Variants in AK7 observed in about 807,000 individuals in gnomAD.
AK7 encodes the protein adenylate kinase 7.
A neutral mutation model predicts 96.6 loss-of-function variants in AK7; 78 were observed. The observed-to-expected ratio is 0.81, with a 90% CI of 0.67 to 0.97. AK7 has a LOEUF of 0.97. Among genes scored for constraint, AK7 ranks in the 50% least tolerant of loss-of-function variants. The pLI, the probability that AK7 is intolerant of heterozygous loss-of-function variation, is 0.00. For missense variants in AK7, 855 were observed against 887.9 expected (o/e 0.96, Z 0.47); for synonymous variants, 302 against 317.2 (o/e 0.95, Z 0.51).
intron 5 of AK7, chr14:96,423,944 T>C: frequency 9.4e-7 from 1 of 1,058,876 alleles, no homozygotes; most frequent in Non-Finnish European, 1.5e-6. Context: ...CTGCCCTTCA[T>C]GTGGACCACC....
At chr14:96,463,043 A>G (rs1034142364) in intron 12 of AK7, among the ~76,000 whole-genome samples, 5 of 152,100 alleles carry the variant, frequency 3.3e-5, no homozygotes, top group African/African-American at 1.2e-4. Flanking sequence ...AGGCTGAGGC[A>G]GGAGAATCGC....
chr14:96,430,966 A>G (rs1052424479), intron 5 of AK7, among the ~76,000 whole-genome samples: 3 of 152,186 alleles, frequency 2.0e-5, no homozygotes, highest in Non-Finnish European at 4.4e-5. Context: ...TTATTGGTCT[A>G]TTCAGGGATT....
intron 5 of AK7, among the ~76,000 whole-genome samples, chr14:96,434,433 T>A (rs570814480): frequency 7.8e-6 from 1 of 128,076 alleles, no homozygotes; most frequent in African/African-American, 4.3e-5. Context: ...TCTCTCTCTC[T>A]CTCTCTCTCT....
At position 96,484,302 on chromosome 14, in the gene AK7, C is replaced by G. The variant is rs146058547; in HGVS notation, c.1974+1083C>G. On this transcript the variant is annotated intron_variant, in intron 16 of 17. Coordinates refer to ENST00000267584, the MANE Select transcript of AK7 (RefSeq NM_152327.5). Reference sequence around the variant, plus strand: ...CAAATCTGTCCCAAGCTCTCTACTTCTGATCAGGGGCAGTGTTTCTCATCC... The same window carrying G: ...CAAATCTGTCCCAAGCTCTCTACTTGTGATCAGGGGCAGTGTTTCTCATCC... 2.8e-3 allele frequency among the ~76,000 whole-genome samples: 428 copies of G among 152,276 alleles called. 1 individual carries two copies. The highest frequency in any genetic ancestry group is 9.7e-3 in the African/African-American group (403 of 41,556).
intron 17 of AK7, 186 bp from the exon 18 acceptor site, chr14:96,488,119 A>T: frequency 2.1e-6 from 1 of 469,648 alleles, no homozygotes; most frequent in Non-Finnish European, 4.0e-6. Context: ...CACCATGTTG[A>T]CCAGGCTGGT....
chr14:96,437,277 G>A (rs1892691830), intron 5 of AK7, among the ~76,000 whole-genome samples: 2 of 152,088 alleles, frequency 1.3e-5, no homozygotes, highest in Non-Finnish European at 1.5e-5. Flanking sequence ...TCCATGTTGT[G>A]CTTATTTCAC....
In AK7 at chr14:96,428,961, A is replaced by T. The variant is rs1362822343; in HGVS notation, c.609+8029A>T. Among the ~76,000 whole-genome samples, 2 of 152,064 alleles carry T rather than the reference A, an allele frequency of 1.3e-5. 1 individual carries two copies. Among genetic ancestry groups the T allele is most frequent in the Non-Finnish European group, 2.9e-5 (2 of 68,014 alleles). ...TTATTTTGCTGTGCAGAAGCTCTTTAGTTTAGTTAGATCCCATTTGTCTAT... is the reference window on the plus strand; with the variant it reads ...TTATTTTGCTGTGCAGAAGCTCTTTTGTTTAGTTAGATCCCATTTGTCTAT... On this transcript the variant is annotated intron_variant, in intron 5 of 17. Transcript: ENST00000267584.
At chr14:96,467,468 TG>T (rs1258791069) in intron 12 of AK7, among the ~76,000 whole-genome samples, 1 of 152,106 alleles carries the variant, frequency 6.6e-6, no homozygotes, top group Non-Finnish European at 1.5e-5. Context: ...CCCGAGTCGC[TG>T]GGACTACAGG....
At chr14:96,482,855 A>G in intron 15 of AK7, 144 bp from the exon 16 acceptor site, 1 of 892,156 alleles carries the variant, frequency 1.1e-6, no homozygotes, top group Non-Finnish European at 1.7e-6. Flanking sequence ...AGAAATTCTG[A>G]ACTATGCTGG....
chr14:96,395,917 T>C (rs1566754002), intron 1 of AK7, among the ~76,000 whole-genome samples: 2 of 147,718 alleles, frequency 1.4e-5, no homozygotes, highest in Non-Finnish European at 3.0e-5. Context: ...GTTCAGGCGA[T>C]TCTCCTGCCT....
At chr14:96,446,690 T>A in intron 8 of AK7, 83 bp downstream of exon 8, 1 of 1,290,764 alleles carries the variant, frequency 7.7e-7, no homozygotes, top group Non-Finnish European at 1.1e-6. Context: ...CCTGTAATCC[T>A]AGCATTTTGG....
At chr14:96,441,231 C>T (rs1036052377) in intron 6 of AK7, among the ~76,000 whole-genome samples, 7 of 152,104 alleles carry the variant, frequency 4.6e-5, no homozygotes, top group African/African-American at 7.2e-5. Flanking sequence ...CTGTCCTTGT[C>T]CTGTACCTGT....
chr14:96,482,386 T>C (rs1462025360), intron 15 of AK7, among the ~76,000 whole-genome samples: 1 of 152,180 alleles, frequency 6.6e-6, no homozygotes, highest in Admixed American at 6.5e-5. Flanking sequence ...TGCAGACACC[T>C]TCCAAGCAGC....
At chr14:96,460,450 T>G (rs1894191970) in intron 12 of AK7, among the ~76,000 whole-genome samples, 1 of 152,184 alleles carries the variant, frequency 6.6e-6, no homozygotes, top group African/African-American at 2.4e-5. Context: ...GAGAAGGATG[T>G]GGCCAACTCG....
chr14:96,423,890 C>T, intron 5 of AK7: 13 of 984,960 alleles, frequency 1.3e-5, no homozygotes, highest in Non-Finnish European at 2.0e-5. Context: ...TGGGAGACCC[C>T]GAGCCCACAT....
intron 7 of AK7, among the ~76,000 whole-genome samples, chr14:96,445,998 C>G (rs550740566): frequency 1.3e-5 from 2 of 152,204 alleles, no homozygotes; most frequent in African/African-American, 4.8e-5. Context: ...AGCAAGCGCT[C>G]GGAAACCTTG....
intron 5 of AK7, chr14:96,423,776 C>A (rs536911300): frequency 1.5e-4 from 111 of 737,402 alleles, no homozygotes; most frequent in Admixed American, 3.1e-4. Flanking sequence ...CACCGGGACC[C>A]CGAGCGCGTA....
At chr14:96,435,869 C>T (rs1462049056) in intron 5 of AK7, among the ~76,000 whole-genome samples, 1 of 152,166 alleles carries the variant, frequency 6.6e-6, no homozygotes, top group East Asian at 1.9e-4. Flanking sequence ...CTCCCTCCTG[C>T]AGCACCCAGA....
intron 2 of AK7, among the ~76,000 whole-genome samples, chr14:96,403,771 T>C (rs1413128084): frequency 1.3e-5 from 2 of 152,204 alleles, no homozygotes; most frequent in African/African-American, 4.8e-5. Flanking sequence ...GGTCCTTTTA[T>C]GGTTCTCTTA....
Sources: gnomAD v4.1 joint callset for allele counts (sites outside exome capture counted in the v4.1 genomes callset) on GRCh38, gnomAD v4.1.1 for gene constraint, MANE v1.5 for transcripts, NCBI Gene and HGNC (gene_info 2026-07-23, HGNC 2026-07-21) for gene names.